The following ALG9 variants were observed in gnomAD, a reference collection of about 807,000 sequenced individuals.
ALG9 encodes the protein ALG9 alpha-1,2-mannosyltransferase.
Under a neutral mutation model 81.8 loss-of-function variants are expected in ALG9, and 55 were observed. The ratio of observed to expected loss-of-function variants is 0.67; its 90% CI spans 0.54 to 0.84. ALG9 has a LOEUF of 0.84. ALG9 is among the 40% of genes least tolerant of loss of function. The pLI, the probability that ALG9 is intolerant of heterozygous loss-of-function variation, is 0.00. For synonymous variants in ALG9, 278 were observed against 274.3 expected, an observed-to-expected ratio of 1.01 and a Z score of -0.13; for missense variants, 629 against 745.0, an observed-to-expected ratio of 0.84 and a Z score of 1.81.
chr11:111,852,077 A>T (rs1555139054), intron 8 of ALG9, among the ~76,000 whole-genome samples: 1 of 152,190 alleles, frequency 6.6e-6, no homozygotes. Flanking sequence ...CTCCTTATTC[A>T]ATCTGTTGGT....
intron 13 of ALG9, among the ~76,000 whole-genome samples, chr11:111,813,413 G>A (rs915120824): frequency 2.0e-5 from 3 of 152,106 alleles, no homozygotes; most frequent in Admixed American, 2.0e-4. Context: ...ATCAGCCTGA[G>A]CAAAATAGTG....
At chr11:111,807,892 T>C (rs1950160865) in intron 14 of ALG9, among the ~76,000 whole-genome samples, 1 of 152,040 alleles carries the variant, frequency 6.6e-6, no homozygotes, top group African/African-American at 2.4e-5. Flanking sequence ...TAAAACCAGC[T>C]TGGGCAATAT....
At chr11:111,837,818 T>G (rs1357008937) in intron 11 of ALG9, among the ~76,000 whole-genome samples, 2 of 152,232 alleles carry the variant, frequency 1.3e-5, no homozygotes, top group African/African-American at 2.4e-5. Flanking sequence ...GGCCCTATTC[T>G]GCAAAAAATA....
At chr11:111,822,955 C>T (rs930867934) in intron 13 of ALG9, among the ~76,000 whole-genome samples, 1 of 151,110 alleles carries the variant, frequency 6.6e-6, no homozygotes, top group Non-Finnish European at 1.5e-5. Context: ...ACCCGGGAGG[C>T]GGAGATTGCA....
At chr11:111,847,759 T>C (rs544341519) in intron 8 of ALG9, among the ~76,000 whole-genome samples, 2 of 152,254 alleles carry the variant, frequency 1.3e-5, no homozygotes, top group Admixed American at 1.3e-4. Context: ...AAACACTCCT[T>C]CTTTCTTCAA....
intron 14 of ALG9, among the ~76,000 whole-genome samples, chr11:111,793,760 C>CAA (rs35166603): frequency 2.8e-4 from 15 of 53,756 alleles, no homozygotes; most frequent in African/African-American, 5.6e-4. Context: ...GAGTCCAGCT[C>CAA]AAAAAAAAAA....
chr11:111,810,203 G>A (rs1401704766), intron 13 of ALG9, among the ~76,000 whole-genome samples: 1 of 152,168 alleles, frequency 6.6e-6, no homozygotes, highest in African/African-American at 2.4e-5. Context: ...GCCATGGGAG[G>A]TTACGCTACA....
intron 8 of ALG9, among the ~76,000 whole-genome samples, chr11:111,850,589 C>A (rs1392024962): frequency 6.6e-6 from 1 of 151,460 alleles, no homozygotes; most frequent in African/African-American, 2.4e-5. Flanking sequence ...TGCCTGTAAT[C>A]CCAGCTACTA....
chr11:111,836,332 G>A lies in ALG9; in HGVS notation c.1473-38C>T, dbSNP rs1416109592. On this transcript the variant is annotated intron_variant, in intron 12 of 14. Coordinates refer to ENST00000616540, the MANE Select transcript of ALG9 (RefSeq NM_024740.2). ...CAAGGAGAATAAGAAAAACACAGGG[G>A]GATAATATTGCTAAATGTACTTGAA... 5.6e-6 allele frequency: 9 copies of A among 1,611,686 alleles called. No individual in the cohort carries two copies. In the Middle Eastern group the frequency reaches 5.0e-4, roughly 89 times the overall value.
At chr11:111,816,372 A>T (rs531062811) in intron 13 of ALG9, among the ~76,000 whole-genome samples, 10 of 152,284 alleles carry the variant, frequency 6.6e-5, no homozygotes, top group Admixed American at 5.2e-4. Context: ...TGATCTTCCC[A>T]AGTAGTTGGC....
chr11:111,780,881 T>C (rs544951382), downstream of ALG9, among the ~76,000 whole-genome samples: 2 of 152,310 alleles, frequency 1.3e-5, no homozygotes, highest in South Asian at 4.1e-4. Context: ...TTGCCCCTCA[T>C]ATGCCAACAA....
chr11:111,847,058 T>C (rs565770181), intron 8 of ALG9, among the ~76,000 whole-genome samples: 2 of 152,006 alleles, frequency 1.3e-5, no homozygotes, highest in Admixed American at 6.5e-5. Context: ...TACTGCTCCA[T>C]AGATTGAATG....
intron 13 of ALG9, among the ~76,000 whole-genome samples, chr11:111,811,144 G>A (rs1490939791): frequency 1.3e-5 from 2 of 152,148 alleles, no homozygotes; most frequent in Non-Finnish European, 2.9e-5. Context: ...ATGTTCCATA[G>A]CAATAAACAA....
At chr11:111,849,299 C>T (rs1310294262) in intron 8 of ALG9, among the ~76,000 whole-genome samples, 3 of 152,168 alleles carry the variant, frequency 2.0e-5, no homozygotes, top group Non-Finnish European at 4.4e-5. Flanking sequence ...GATCCACTCA[C>T]CTCGGCCTCC....
chr11:111,770,237 A>G, the ALG9 span, among the ~76,000 whole-genome samples: 3 of 152,228 alleles, frequency 2.0e-5, no homozygotes, highest in Non-Finnish European at 2.9e-5. Context: ...CTACTGAATT[A>G]GAGTCCTTAA....
At chr11:111,819,693 A>G (rs1240716338) in intron 13 of ALG9, among the ~76,000 whole-genome samples, 6 of 152,262 alleles carry the variant, frequency 3.9e-5, no homozygotes, top group Non-Finnish European at 7.3e-5. Context: ...CCTTCCAAAC[A>G]CATAATAAAT....
At chr11:111,778,249 G>A (rs575053330), downstream of ALG9, 151 of 152,252 alleles carry the variant, frequency 9.9e-4, 1 homozygote, top group African/African-American at 3.5e-3. Context: ...GGGCAAGTCG[G>A]CCTGCTCAAG....
At chr11:111,806,615 C>T (rs1017041300) in intron 14 of ALG9, among the ~76,000 whole-genome samples, 2 of 152,240 alleles carry the variant, frequency 1.3e-5, no homozygotes, top group Non-Finnish European at 2.9e-5. Flanking sequence ...GGCCTCATCT[C>T]GTCCCTAACT....
At chr11:111,824,676 A>G (rs1555106756) in intron 13 of ALG9, among the ~76,000 whole-genome samples, 1 of 152,232 alleles carries the variant, frequency 6.6e-6, no homozygotes, top group African/African-American at 2.4e-5. Flanking sequence ...AGTTTGCATT[A>G]TTATCAGTTC....
Sources: gnomAD v4.1 joint callset for allele counts (sites outside exome capture counted in the v4.1 genomes callset) on GRCh38, gnomAD v4.1.1 for gene constraint, MANE v1.5 for transcripts, NCBI Gene and HGNC (gene_info 2026-07-23, HGNC 2026-07-21) for gene names.